Variants in CFAP92 observed in about 807,000 individuals in gnomAD.
CFAP92 encodes uncharacterized protein CFAP92.
A neutral mutation model predicts 106.3 loss-of-function variants in CFAP92; 86 were observed. That is an observed-to-expected ratio of 0.81 (90% CI 0.68 to 0.97). The LOEUF is 0.97. CFAP92 is among the 50% of genes least tolerant of loss of function. CFAP92 has a pLI of 0.00. For missense variants in CFAP92, 1,204 were observed against 1,283.8 expected (o/e 0.94, Z 0.95); for synonymous variants, 477 against 506.4 (o/e 0.94, Z 0.78).
chr3:128,986,219 C>T (rs1318442192), intron 4 of CFAP92, among the ~76,000 whole-genome samples: 1 of 150,602 alleles, frequency 6.6e-6, no homozygotes, highest in Non-Finnish European at 1.5e-5. Context: ...ATCATTGATT[C>T]TAATATGTAC....
chr3:128,960,374 G>A (rs1003363054), intron 9 of CFAP92, among the ~76,000 whole-genome samples: 2 of 152,206 alleles, frequency 1.3e-5, no homozygotes, highest in Non-Finnish European at 2.9e-5. Context: ...ACCAGCCCAA[G>A]AAACATCTCA....
chr3:128,994,904 C>T (rs1397415270), upstream of CFAP92, among the ~76,000 whole-genome samples: 2 of 152,172 alleles, frequency 1.3e-5, no homozygotes, highest in Non-Finnish European at 2.9e-5. Context: ...AGAGGAACAG[C>T]ATATGCAAAG....
At chr3:128,957,680 G>A (rs942854210) in intron 9 of CFAP92, among the ~76,000 whole-genome samples, 9 of 152,210 alleles carry the variant, frequency 5.9e-5, no homozygotes, top group South Asian at 2.1e-4. Context: ...GTCTAAATAC[G>A]TCAATTAAAA....
At position 128,915,522 on chromosome 3, in the gene CFAP92, TGA is replaced by T; in HGVS notation, c.2956_2957del (p.Ala987HisfsTer54). 1 of 1,534,868 alleles carries T rather than the reference TGA, an allele frequency of 6.5e-7. No individual in the cohort carries two copies. Among genetic ancestry groups the T allele is most frequent in the Non-Finnish European group, 8.7e-7 (1 of 1,146,424 alleles). On this transcript the variant is annotated frameshift_variant, in exon 14 of 16. Transcript: ENST00000645291. LOFTEE classifies it high-confidence loss of function. ...TCAAGTCCAGGGGCTCCACCATGGC[TGA>T]GAGGTAATCCTGTGAGTACGTGAAT... ...KRFTYSQDYL[S>X]AMVEPLDLKE...
chr3:128,978,895 G>C (rs1943340064), intron 4 of CFAP92, among the ~76,000 whole-genome samples: 2 of 152,200 alleles, frequency 1.3e-5, no homozygotes, highest in Admixed American at 6.5e-5. Context: ...ATAGGCATGG[G>C]CAAGGACTTC....
chr3:128,973,692 G>A (rs1213365145), intron 7 of CFAP92, among the ~76,000 whole-genome samples: 8 of 152,000 alleles, frequency 5.3e-5, no homozygotes, highest in Admixed American at 6.5e-5. Context: ...GATGCTGCCT[G>A]GAGAGTAAAC....
At chr3:128,927,593 G>A (rs558256703) in intron 12 of CFAP92, among the ~76,000 whole-genome samples, 5 of 151,924 alleles carry the variant, frequency 3.3e-5, no homozygotes, top group South Asian at 2.1e-4. Context: ...GCGTGGTGGC[G>A]GGCGCCTGTA....
intron 4 of CFAP92, among the ~76,000 whole-genome samples, chr3:128,979,947 A>AATATATATATATATATAT (rs375673134): frequency 7.8e-6 from 1 of 128,304 alleles, no homozygotes. Context: ...AAAGTATAAT[A>AATATATATATATATATAT]ATATATATAT....
intron 1 of CFAP92, 25 bp downstream of exon 1, chr3:128,993,955 G>T (rs1055901642): frequency 3.0e-6 from 3 of 988,036 alleles, no homozygotes; most frequent in Non-Finnish European, 3.6e-6. Flanking sequence ...AGGGGTCGGG[G>T]TTCCCCTCCA....
At chr3:128,992,500 T>C (rs1232927318) in intron 2 of CFAP92, among the ~76,000 whole-genome samples, 1 of 152,024 alleles carries the variant, frequency 6.6e-6, no homozygotes, top group Non-Finnish European at 1.5e-5. Context: ...AGGCTGAGGT[T>C]GCAGTGAGCT....
In CFAP92 at chr3:128,932,707, A is replaced by T. The variant is rs1268904638; in HGVS notation, c.2744T>A (p.Phe915Tyr). 1 of 1,531,848 alleles carries T rather than the reference A, an allele frequency of 6.5e-7. No individual in the cohort carries two copies. Among genetic ancestry groups the T allele is most frequent in the Non-Finnish European group, 8.7e-7 (1 of 1,145,062 alleles). 94.9% of individuals were successfully genotyped at this position (1,531,848 alleles called of 1,614,324 possible). ...GGGAGGAAGGCGGCCCACCTGGATG[A>T]AACTGTGCTTTTTGTCTTTGTTCTT... is the stretch of plus-strand genomic sequence containing the variant. ...LMKNKDKKHS[F>Y]IQKNITEAYQ... The change falls in exon 12 of 16, where the codon TTC becomes TAC. Residue 915 changes from phenylalanine (F) to tyrosine (Y), a missense_variant. Phe to Tyr is a conservative substitution (Grantham distance 22). Coordinates refer to ENST00000645291, the MANE Select transcript of CFAP92 (RefSeq NM_001394090.1).
At chr3:129,009,406 C>T in the CFAP92 span, among the ~76,000 whole-genome samples, 1 of 152,150 alleles carries the variant, frequency 6.6e-6, no homozygotes, top group Non-Finnish European at 1.5e-5. Context: ...CCTTGGGGTG[C>T]CAGGCTAATA....
rs988125427 is a variant in CFAP92, at chr3:128,945,296, T to C, written c.2033A>G (p.Gln678Arg). Residue 678 changes from glutamine (Q) to arginine (R), a missense_variant, in exon 10 of 16, where the codon CAG becomes CGG. Gln to Arg is a conservative substitution (Grantham distance 43). Coordinates refer to ENST00000645291, the MANE Select transcript of CFAP92 (RefSeq NM_001394090.1). ...KKVSLLHSLLQDITMINAKAL... is the reference protein window; with the variant it reads ...KKVSLLHSLLRDITMINAKAL... ...CTTAGCGTTGATCATGGTGATGTCC[T>C]GCAGCAGGCTGTGGAGCAGGGAGAC... The C allele has an allele frequency of 5.5e-5, 84 of 1,536,028 alleles. No homozygotes were observed. Among genetic ancestry groups the C allele is most frequent in the Non-Finnish European group, 6.6e-5 (76 of 1,146,910 alleles).
At chr3:128,983,879 G>C (rs996597680) in intron 4 of CFAP92, among the ~76,000 whole-genome samples, 3 of 152,222 alleles carry the variant, frequency 2.0e-5, no homozygotes, top group Admixed American at 2.0e-4. Context: ...TTCTCTAAAG[G>C]CCCTGGGGCA....
chr3:128,930,981 A>G (rs996504466), intron 12 of CFAP92, among the ~76,000 whole-genome samples: 6 of 152,032 alleles, frequency 3.9e-5, no homozygotes, highest in Non-Finnish European at 7.4e-5. Flanking sequence ...ATCTTGGCTC[A>G]CTGCAACCTT....
At chr3:128,956,207 T>TAAAAAAAAAAAAAAAAA (rs1256391409) in intron 9 of CFAP92, among the ~76,000 whole-genome samples, 1 of 53,226 alleles carries the variant, frequency 1.9e-5, no homozygotes, top group African/African-American at 1.4e-4. Context: ...AAAAAAAAAA[T>TAAAAAAAAAAAAAAAAA]AAAAAAATAA....
intron 6 of CFAP92, among the ~76,000 whole-genome samples, chr3:128,976,439 T>A (rs1295215894): frequency 3.9e-5 from 6 of 152,160 alleles, no homozygotes; most frequent in Non-Finnish European, 8.8e-5. Context: ...ACAAAAACAA[T>A]TTTTAAAAAT....
chr3:129,013,629 C>T, the CFAP92 span, among the ~76,000 whole-genome samples: 3 of 152,228 alleles, frequency 2.0e-5, no homozygotes, highest in African/African-American at 7.2e-5. Context: ...ACATAGGCCA[C>T]ACCCATCCTG....
At chr3:129,017,587 C>T in the CFAP92 span, among the ~76,000 whole-genome samples, 91 of 152,330 alleles carry the variant, frequency 6.0e-4, 2 homozygotes, top group East Asian at 0.015. Flanking sequence ...TGGGGTTGCT[C>T]TCTGCATTCC....
Sources: gnomAD v4.1 joint callset for allele counts (sites outside exome capture counted in the v4.1 genomes callset) on GRCh38, gnomAD v4.1.1 for gene constraint, MANE v1.5 for transcripts, NCBI Gene and HGNC (gene_info 2026-07-23, HGNC 2026-07-21) for gene names.